The following ZCCHC2 variants were observed in gnomAD, a reference collection of about 807,000 sequenced individuals.
ZCCHC2 encodes zinc finger CCHC-type containing 2, also known as zinc finger CCHC domain-containing protein 2.
ZCCHC2 carries 39 observed loss-of-function variants against 103.6 expected under a neutral mutation model. The observed-to-expected ratio is 0.38, with a 90% CI of 0.29 to 0.49. The LOEUF is 0.49. Among genes scored for constraint, ZCCHC2 ranks in the 20% least tolerant of loss-of-function variants. The pLI, the probability that ZCCHC2 is intolerant of heterozygous loss-of-function variation, is 0.96. For missense variants in ZCCHC2, 1,483 were observed against 1,491.0 expected (o/e 0.99, Z 0.09); for synonymous variants, 687 against 608.9 (o/e 1.13, Z -1.89).
In ZCCHC2 at chr18:62,576,672, A is replaced by C; in HGVS notation, c.*93A>C. ...GGAAAGGTATTTTGTTTCTTTGTCTATACATTTCCTAGATTTCTATGCAGT... is the reference window on the plus strand; with the variant it reads ...GGAAAGGTATTTTGTTTCTTTGTCTCTACATTTCCTAGATTTCTATGCAGT... On this transcript the variant is annotated 3_prime_UTR_variant, in exon 14 of 14. Transcript: ENST00000269499. 2 of 1,228,028 alleles carry C rather than the reference A, an allele frequency of 1.6e-6. No homozygotes were observed. The highest frequency in any genetic ancestry group is 1.4e-5 in the South Asian group (1 of 74,054). The allele number at this position is 1,228,028 out of a possible 1,614,324, so 76.1% of individuals were successfully genotyped here.
chr18:62,524,414 G>C (rs918764976), intron 1 of ZCCHC2, 51 bp downstream of exon 1: 3 of 1,425,478 alleles, frequency 2.1e-6, no homozygotes, highest in Non-Finnish European at 2.7e-6. Context: ...CTGCCCCGGC[G>C]GCCTCCCCGG....
intron 11 of ZCCHC2, 30 bp downstream of exon 11, chr18:62,565,126 C>T (rs774210382): frequency 2.7e-6 from 4 of 1,478,678 alleles, no homozygotes; most frequent in Non-Finnish European, 3.8e-6. Flanking sequence ...TTCAAATACC[C>T]ATCACATAAA....
At chr18:62,540,668 G>C (rs1915132138) in intron 2 of ZCCHC2, among the ~76,000 whole-genome samples, 1 of 151,824 alleles carries the variant, frequency 6.6e-6, no homozygotes, top group Non-Finnish European at 1.5e-5. Flanking sequence ...TTACAATGAA[G>C]GTCCTTTTTT....
At position 62,544,881 on chromosome 18, in the gene ZCCHC2, A is replaced by G. The variant is rs371204596; in HGVS notation, c.1200+8A>G. On this transcript the variant is annotated splice_region_variant and intron_variant, in intron 4 of 13. Coordinates refer to ENST00000269499, the MANE Select transcript of ZCCHC2 (RefSeq NM_017742.6). The stretch of plus-strand genomic sequence containing the variant: ...CAGGAATTTCTACTGAAGGTAAAAT[A>G]TAGATTTTGTTGTTAAAATGATTTT... 49 of 1,520,690 alleles carry G rather than the reference A, an allele frequency of 3.2e-5. No homozygotes were observed. In the Middle Eastern group the frequency reaches 5.3e-4, roughly 16 times the overall value. 94.2% of individuals were successfully genotyped at this position (1,520,690 alleles called of 1,614,324 possible).
intron 12 of ZCCHC2, among the ~76,000 whole-genome samples, chr18:62,571,173 G>T (rs557223708): frequency 3.3e-5 from 5 of 151,462 alleles, no homozygotes; most frequent in Admixed American, 1.3e-4. Flanking sequence ...TGTCCTGCGG[G>T]TAAGAGGCTG....
chr18:62,539,722 C>T lies in ZCCHC2; in HGVS notation c.981C>T (p.Ser327=). 1 of 1,605,344 alleles carries T rather than the reference C, an allele frequency of 6.2e-7. No homozygotes were observed. Among genetic ancestry groups the T allele is most frequent in the Non-Finnish European group, 8.5e-7 (1 of 1,175,882 alleles). The part of the protein sequence containing the change: ...AHGDYMQNNE[S]SLIEQAPIPQ... ...GTGATTACATGCAAAATAACGAGAG[C>T]AGCTTAATAGAGCAAGCTCCAATAC... is the stretch of plus-strand genomic sequence containing the variant. The change falls in exon 2 of 14, where the codon AGC becomes AGT. Residue 327 remains serine (S), a synonymous_variant. Transcript: ENST00000269499.
At chr18:62,562,336 A>G (rs1262202103) in intron 8 of ZCCHC2, among the ~76,000 whole-genome samples, 5 of 151,054 alleles carry the variant, frequency 3.3e-5, no homozygotes, top group African/African-American at 4.9e-5. Context: ...TGTTTTTCAC[A>G]TTTTTTTCAG....
chr18:62,575,961 G>C (rs1396332898), intron 13 of ZCCHC2, among the ~76,000 whole-genome samples: 1 of 151,068 alleles, frequency 6.6e-6, no homozygotes, highest in Admixed American at 6.6e-5. Flanking sequence ...TAACTATTTA[G>C]TATATCTGCA....
chr18:62,583,352 G>A (rs557698924), downstream of ZCCHC2, among the ~76,000 whole-genome samples: 1 of 152,138 alleles, frequency 6.6e-6, no homozygotes, highest in East Asian at 1.9e-4. Flanking sequence ...TAACGGTCAT[G>A]ATTATTCAGT....
At chr18:62,533,617 A>G (rs1272994298) in intron 1 of ZCCHC2, among the ~76,000 whole-genome samples, 1 of 152,070 alleles carries the variant, frequency 6.6e-6, no homozygotes, top group Non-Finnish European at 1.5e-5. Flanking sequence ...CTGTAAACCC[A>G]GCACTTTGGG....
intron 2 of ZCCHC2, among the ~76,000 whole-genome samples, chr18:62,540,898 C>T (rs1223248632): frequency 6.6e-6 from 1 of 152,136 alleles, no homozygotes; most frequent in Non-Finnish European, 1.5e-5. Flanking sequence ...TAGCCAACAC[C>T]AGACAGAACT....
chr18:62,523,428 CTGAGGATGA>C lies in ZCCHC2; in HGVS notation c.5_13del (p.Leu2_Lys5delinsGln). The C allele has an allele frequency of 9.3e-7, 1 of 1,080,286 alleles. No individual in the cohort carries two copies. Among genetic ancestry groups the C allele is most frequent in the South Asian group, 2.2e-5 (1 of 45,028 alleles). The allele number at this position is 1,080,286 out of a possible 1,614,324, so 66.9% of individuals were successfully genotyped here. A position where few individuals can be genotyped will look rare whatever the true frequency, so the allele number is the denominator to read the frequency against. On this transcript the variant is annotated inframe_deletion, in exon 1 of 14. Coordinates refer to ENST00000269499, the MANE Select transcript of ZCCHC2 (RefSeq NM_017742.6). Reference sequence around the variant, plus strand: ...GTCTGCGCCGCCCTAGCCGAGGATGCTGAGGATGAAGCTGCCGCTGAAGCCAACGCACCC... The same window carrying C: ...GTCTGCGCCGCCCTAGCCGAGGATGCAGCTGCCGCTGAAGCCAACGCACCC...
chr18:62,544,732 A>G (rs922013011), intron 3 of ZCCHC2, 70 bp from the exon 4 acceptor site: 11 of 1,325,550 alleles, frequency 8.3e-6, no homozygotes, highest in African/African-American at 4.6e-5. Flanking sequence ...TTGTTTTTGC[A>G]CATGGCTTTT....
chr18:62,537,038 G>C (rs191509013), intron 1 of ZCCHC2, among the ~76,000 whole-genome samples: 2 of 151,972 alleles, frequency 1.3e-5, no homozygotes, highest in Non-Finnish European at 2.9e-5. Context: ...TTTAGTGTAC[G>C]GTTCAGTAGC....
Position 62,556,283 on chromosome 18 carries a change from C to T in ZCCHC2, c.1394C>T (p.Ser465Phe). ...TTCTTTCAGTCCATATCATCAGACT[C>T]CCTACACAGTATCAGTAAGCATCCT... is the stretch of plus-strand genomic sequence containing the variant. ...HSFFQSISSDSLHSINNLQSS... is the reference protein window; with the variant it reads ...HSFFQSISSDFLHSINNLQSS... Residue 465 changes from serine to phenylalanine, a missense_variant, in exon 6 of 14, where the codon TCC becomes TTC. By Grantham distance (155) the Ser-to-Phe change is radical. This residue lies in a region of ZCCHC2 where 884 missense variants were observed against 907.5 expected (regional missense o/e 0.97). Transcript: ENST00000269499. 1.9e-6 allele frequency: 3 copies of T among 1,601,352 alleles called. No individual in the cohort carries two copies. Among genetic ancestry groups the T allele is most frequent in the Non-Finnish European group, 2.6e-6 (3 of 1,173,428 alleles).
chr18:62,576,389 G>A (rs922626450), intron 13 of ZCCHC2, 123 bp from the exon 14 acceptor site: 13 of 712,668 alleles, frequency 1.8e-5, no homozygotes, highest in Non-Finnish European at 3.0e-5. Flanking sequence ...TGGCCATTTG[G>A]AGTGGCACTA....
chr18:62,544,717 G>A (rs1490115900), intron 3 of ZCCHC2, 85 bp from the exon 4 acceptor site: 9 of 1,036,480 alleles, frequency 8.7e-6, no homozygotes, highest in Non-Finnish European at 1.4e-6. Context: ...TTTAAGTAAG[G>A]CCCTTTGTTT....
downstream of ZCCHC2, among the ~76,000 whole-genome samples, chr18:62,578,921 T>C (rs4941144): frequency 0.6 from 90,573 of 151,960 alleles, 27,635 homozygotes; most frequent in East Asian, 0.99. Flanking sequence ...GTATGTACCA[T>C]GACACCCAGC....
Position 62,574,058 on chromosome 18 carries a change from C to T in ZCCHC2, c.1977C>T (p.Asp659=), listed in dbSNP as rs149491508. 201 of 1,611,018 alleles carry T rather than the reference C, an allele frequency of 1.2e-4. No homozygotes were observed. In the African/African-American group the frequency reaches 2.3e-3, roughly 19 times the overall value. Residue 659 remains aspartate (D), a splice_region_variant and synonymous_variant, in exon 13 of 14, where the codon GAC becomes GAT. Transcript: ENST00000269499. ...SFESEEEKDR[D]TDSNSEDSGN... ...TCTCTTTATGTTTGTTTTCTTTAGA[C>T]ACAGACAGCAATTCTGAGGATTCTG...
Sources: gnomAD v4.1 joint callset for allele counts (sites outside exome capture counted in the v4.1 genomes callset) on GRCh38, gnomAD v4.1.1 for gene constraint, gnomAD v4.1.1 regional missense constraint, MANE v1.5 for transcripts, NCBI Gene and HGNC (gene_info 2026-07-23, HGNC 2026-07-21) for gene names.